CNTN3: variants seen among roughly 807,000 people sequenced by gnomAD.
CNTN3 encodes contactin 3.
In CNTN3, 60 loss-of-function variants were observed where a neutral mutation model predicts 119.1. That is an observed-to-expected ratio of 0.50 (90% CI 0.41 to 0.62). The LOEUF (loss-of-function observed/expected upper bound fraction) is 0.62. Among genes scored for constraint, CNTN3 ranks in the 20% least tolerant of loss-of-function variants. The pLI is 0.00. For missense variants in CNTN3, 1,101 were observed against 1,242.4 expected, an observed-to-expected ratio of 0.89 and a Z score of 1.71; for synonymous variants, 450 against 438.7, an observed-to-expected ratio of 1.03 and a Z score of -0.32.
intron 4 of CNTN3, among the ~76,000 whole-genome samples, chr3:74,485,000 G>C (rs1039744608): frequency 6.6e-6 from 1 of 152,098 alleles, no homozygotes; most frequent in Non-Finnish European, 1.5e-5. Context: ...AATAAGAAGA[G>C]GTCTAGTAGT....
intron 1 of CNTN3, among the ~76,000 whole-genome samples, chr3:74,542,877 G>A (rs922546299): frequency 5.3e-5 from 8 of 152,026 alleles, no homozygotes; most frequent in Non-Finnish European, 7.4e-5. Context: ...CCAGCATTTC[G>A]GGAGGCTGGG....
chr3:74,534,408 T>C (rs906544424), intron 1 of CNTN3, among the ~76,000 whole-genome samples: 6 of 152,070 alleles, frequency 3.9e-5, no homozygotes, highest in Non-Finnish European at 8.8e-5. Flanking sequence ...CATCAAAATG[T>C]AAAAATCTTA....
At chr3:74,266,403 G>A (rs1701660527) in intron 22 of CNTN3, 78 bp downstream of exon 22, 2 of 1,376,018 alleles carry the variant, frequency 1.5e-6, no homozygotes, top group Admixed American at 3.6e-5. Context: ...AGAATGGACA[G>A]AGGGATACTG....
At chr3:74,441,072 T>G (rs1218061096) in intron 4 of CNTN3, among the ~76,000 whole-genome samples, 1 of 152,212 alleles carries the variant, frequency 6.6e-6, no homozygotes, top group Non-Finnish European at 1.5e-5. Flanking sequence ...ATTTCAAAAT[T>G]TTATAAGCAA....
At chr3:74,416,022 C>T (rs1358372004) in intron 5 of CNTN3, among the ~76,000 whole-genome samples, 1 of 152,140 alleles carries the variant, frequency 6.6e-6, no homozygotes, top group African/African-American at 2.4e-5. Flanking sequence ...ATGGGCATCT[C>T]AAAGCCATCT....
intron 4 of CNTN3, among the ~76,000 whole-genome samples, chr3:74,482,639 T>C (rs983915320): frequency 1.3e-5 from 2 of 152,104 alleles, no homozygotes; most frequent in Non-Finnish European, 2.9e-5. Context: ...ACTTTCTCCA[T>C]AGCTGAGAGA....
At chr3:74,504,713 T>C (rs547394458) in intron 2 of CNTN3, among the ~76,000 whole-genome samples, 1 of 152,256 alleles carries the variant, frequency 6.6e-6, no homozygotes, top group East Asian at 1.9e-4. Context: ...GGCCCTTCTT[T>C]CCAGCCCTTA....
chr3:74,604,971 G>A (rs1343051165), intron 1 of CNTN3, among the ~76,000 whole-genome samples: 1 of 152,118 alleles, frequency 6.6e-6, no homozygotes, highest in Non-Finnish European at 1.5e-5. Context: ...CATTGAAAAG[G>A]AAGGAAATTA....
chr3:74,339,545 T>C (rs1703479769), intron 11 of CNTN3, among the ~76,000 whole-genome samples: 1 of 152,168 alleles, frequency 6.6e-6, no homozygotes, highest in African/African-American at 2.4e-5. Context: ...CTGTGCTTTC[T>C]TCATAGCACC....
intron 13 of CNTN3, among the ~76,000 whole-genome samples, chr3:74,315,803 A>C (rs548990683): frequency 2.4e-4 from 37 of 152,330 alleles, no homozygotes; most frequent in African/African-American, 8.7e-4. Flanking sequence ...CATACACAAA[A>C]ATTAAGTCAC....
In CNTN3 at chr3:74,458,404, GA is replaced by G. The variant is rs1233809527; in HGVS notation, c.358+28051del. Among the ~76,000 whole-genome samples the G allele has an allele frequency of 2.0e-5, 3 of 151,558 alleles. No homozygotes were observed. In the South Asian group the frequency reaches 6.3e-4, roughly 32 times the overall value. Reference sequence around the variant, plus strand: ...ATGGCTTGTATATTTTAAGTTGCTGGAAAAAAAATCAAAGGAATAACTTTTC... The same window carrying G: ...ATGGCTTGTATATTTTAAGTTGCTGGAAAAAAATCAAAGGAATAACTTTTC... On this transcript the variant is annotated intron_variant, in intron 4 of 22. Coordinates refer to ENST00000263665, the MANE Select transcript of CNTN3 (RefSeq NM_020872.3).
At chr3:74,522,945 A>C (rs1703564154) in intron 1 of CNTN3, among the ~76,000 whole-genome samples, 2 of 151,716 alleles carry the variant, frequency 1.3e-5, no homozygotes, top group African/African-American at 4.8e-5. Flanking sequence ...GTCCCACGTG[A>C]TTGATGGCCA....
intron 4 of CNTN3, among the ~76,000 whole-genome samples, chr3:74,459,213 T>C (rs931321195): frequency 1.3e-5 from 2 of 152,014 alleles, no homozygotes; most frequent in African/African-American, 2.4e-5. Flanking sequence ...TGCCTCTTCC[T>C]ACATGTTTTT....
intron 1 of CNTN3, among the ~76,000 whole-genome samples, chr3:74,544,983 A>G (rs1004599041): frequency 6.6e-6 from 1 of 152,108 alleles, no homozygotes; most frequent in African/African-American, 2.4e-5. Flanking sequence ...ATCCCCCAAA[A>G]CATTACATCA....
intron 4 of CNTN3, among the ~76,000 whole-genome samples, chr3:74,482,498 A>G (rs1472366339): frequency 6.6e-6 from 1 of 152,030 alleles, no homozygotes; most frequent in East Asian, 1.9e-4. Flanking sequence ...TTTCACTTTC[A>G]TTTTATCACA....
chr3:74,477,725 C>T (rs942904307), intron 4 of CNTN3, among the ~76,000 whole-genome samples: 4 of 151,966 alleles, frequency 2.6e-5, no homozygotes, highest in African/African-American at 7.2e-5. Flanking sequence ...AGGATAAATG[C>T]TGGGGTGGGG....
intron 1 of CNTN3, among the ~76,000 whole-genome samples, chr3:74,553,360 A>G (rs1704021770): frequency 6.6e-6 from 1 of 152,198 alleles, no homozygotes; most frequent in Non-Finnish European, 1.5e-5. Flanking sequence ...GTTGGGTCCA[A>G]GTCTTTGCTA....
chr3:74,568,314 G>T (rs1320962473), intron 1 of CNTN3, among the ~76,000 whole-genome samples: 2 of 152,162 alleles, frequency 1.3e-5, no homozygotes, highest in Non-Finnish European at 2.9e-5. Context: ...ATATGTGTTT[G>T]GGGAAAACAT....
intron 5 of CNTN3, among the ~76,000 whole-genome samples, chr3:74,395,893 C>T (rs961933168): frequency 5.3e-5 from 8 of 152,020 alleles, no homozygotes; most frequent in Non-Finnish European, 1.0e-4. Context: ...ATATTTAAAA[C>T]GTTTTCATTA....
Sources: allele counts gnomAD v4.1 joint callset (sites outside exome capture counted in the v4.1 genomes callset), GRCh38; gene constraint gnomAD v4.1.1; transcripts MANE v1.5; gene names NCBI Gene and HGNC (gene_info 2026-07-23, HGNC 2026-07-21).